Variants in TMEM117 observed in about 807,000 individuals in gnomAD.
The protein encoded by TMEM117 is transmembrane protein 117.
A neutral mutation model predicts 52.4 loss-of-function variants in TMEM117; 27 were observed. The observed-to-expected ratio is 0.51, with a 90% CI of 0.38 to 0.71. The LOEUF (loss-of-function observed/expected upper bound fraction) is 0.71, where lower values mean the gene tolerates loss of function less well. TMEM117 is among the 30% of genes least tolerant of loss of function. The pLI is 0.00. For synonymous variants in TMEM117, 215 were observed against 206.3 expected, an observed-to-expected ratio of 1.04 and a Z score of -0.36; for missense variants, 556 against 630.5, an observed-to-expected ratio of 0.88 and a Z score of 1.26.
At chr12:44,386,862 C>G (rs1445952152) in intron 7 of TMEM117, among the ~76,000 whole-genome samples, 1 of 151,944 alleles carries the variant, frequency 6.6e-6, no homozygotes, top group African/African-American at 2.4e-5. Context: ...TTCCTAAACT[C>G]CTCGCAGTTA....
At chr12:43,836,424 G>C (rs1163024882) in intron 1 of TMEM117, among the ~76,000 whole-genome samples, 1 of 152,162 alleles carries the variant, frequency 6.6e-6, no homozygotes, top group Non-Finnish European at 1.5e-5. Context: ...CAAGGAGGGA[G>C]GGGGGACGCG....
Position 44,376,527 on chromosome 12 carries a change from A to G in TMEM117, c.769-68A>G, listed in dbSNP as rs148909615. On this transcript the variant is annotated intron_variant, in intron 6 of 7. Coordinates refer to ENST00000266534, the MANE Select transcript of TMEM117 (RefSeq NM_032256.3). ...TAAAATAAGTGCTTATAAAAAGTCAATTTTTGGTGTTTTGCTGCTTAGGAA... is the reference window on the plus strand; with the variant it reads ...TAAAATAAGTGCTTATAAAAAGTCAGTTTTTGGTGTTTTGCTGCTTAGGAA... 2.4e-4 allele frequency: 371 copies of G among 1,572,084 alleles called. 1 individual carries two copies. In the East Asian group the frequency reaches 2.9e-3, roughly 12 times the overall value.
the TMEM117 span, among the ~76,000 whole-genome samples, chr12:43,803,870 A>T: frequency 6.6e-6 from 1 of 152,256 alleles, no homozygotes; most frequent in African/African-American, 2.4e-5. Flanking sequence ...AGGCCACTGG[A>T]ATATTTTAAT....
At chr12:44,145,220 C>T (rs1448136666) in intron 4 of TMEM117, among the ~76,000 whole-genome samples, 3 of 152,122 alleles carry the variant, frequency 2.0e-5, no homozygotes, top group Admixed American at 1.3e-4. Flanking sequence ...GGAGGAGATA[C>T]ATAAACTTTG....
intron 3 of TMEM117, chr12:44,083,590 T>TA (rs1452204467): frequency 6.6e-6 from 1 of 151,436 alleles, no homozygotes; most frequent in Non-Finnish European, 1.5e-5. Flanking sequence ...TTTTTGTAGA[T>TA]ACGAGTTTTC....
intron 3 of TMEM117, among the ~76,000 whole-genome samples, chr12:44,103,566 CT>C (rs966821471): frequency 6.6e-6 from 1 of 152,060 alleles, no homozygotes; most frequent in East Asian, 1.9e-4. Context: ...TCCTCTATTA[CT>C]TTTTTTCAGT....
chr12:44,203,820 G>A (rs927230250), intron 4 of TMEM117, among the ~76,000 whole-genome samples: 1 of 152,116 alleles, frequency 6.6e-6, no homozygotes, highest in African/African-American at 2.4e-5. Flanking sequence ...AGTGTAGTTG[G>A]TATGATTTTT....
At chr12:43,854,648 A>T (rs1388457678) in intron 2 of TMEM117, among the ~76,000 whole-genome samples, 1 of 151,102 alleles carries the variant, frequency 6.6e-6, no homozygotes, top group African/African-American at 2.4e-5. Flanking sequence ...TTATTTATTT[A>T]TTATTTTTTT....
the TMEM117 span, among the ~76,000 whole-genome samples, chr12:43,809,969 A>G: frequency 6.6e-6 from 1 of 152,242 alleles, no homozygotes; most frequent in Non-Finnish European, 1.5e-5. Flanking sequence ...AGTCTGGGTT[A>G]AGGAATAGTT....
At chr12:43,865,111 C>T (rs1035127914) in intron 2 of TMEM117, among the ~76,000 whole-genome samples, 3 of 152,142 alleles carry the variant, frequency 2.0e-5, no homozygotes, top group African/African-American at 4.8e-5. Context: ...GACCCGCTGC[C>T]TTTAAGAACT....
chr12:44,037,889 C>T lies in TMEM117; in HGVS notation c.410+93547C>T, dbSNP rs148633185. Reference sequence around the variant, plus strand: ...GAGGAGCACTCCAGGGTCTCCTCTGCTGAGAGTTGGGCAGATATTGGGAGT... The same window carrying T: ...GAGGAGCACTCCAGGGTCTCCTCTGTTGAGAGTTGGGCAGATATTGGGAGT... On this transcript the variant is annotated intron_variant, in intron 3 of 7. Coordinates refer to ENST00000266534, the MANE Select transcript of TMEM117 (RefSeq NM_032256.3). Among the ~76,000 whole-genome samples the T allele has an allele frequency of 2.7e-4, 41 of 152,088 alleles. 1 individual carries two copies. The highest frequency in any genetic ancestry group is 9.4e-4 in the African/African-American group (39 of 41,520).
At chr12:44,331,184 TA>T (rs202022939) in intron 6 of TMEM117, among the ~76,000 whole-genome samples, 3,086 of 145,474 alleles carry the variant, frequency 0.021, 91 homozygotes, top group African/African-American at 0.064. Flanking sequence ...GACCTTTTTT[TA>T]AAAAAAAAAA....
chr12:43,924,651 C>T (rs978943386), intron 2 of TMEM117, among the ~76,000 whole-genome samples: 4 of 152,172 alleles, frequency 2.6e-5, no homozygotes, highest in Non-Finnish European at 4.4e-5. Flanking sequence ...TGTGATCTCA[C>T]ATCTCTCCTC....
intron 3 of TMEM117, among the ~76,000 whole-genome samples, chr12:44,129,329 G>A (rs1306602219): frequency 2.6e-5 from 4 of 152,132 alleles, no homozygotes; most frequent in African/African-American, 9.7e-5. Context: ...TTCTTCTGTA[G>A]CGCTGGGCCT....
chr12:43,917,195 C>T (rs571179814), intron 2 of TMEM117, among the ~76,000 whole-genome samples: 2 of 140,890 alleles, frequency 1.4e-5, no homozygotes, highest in East Asian at 2.1e-4. Flanking sequence ...GAGTTTAAGA[C>T]CAGCCTGGGC....
chr12:43,842,658 A>G (rs1362394201), intron 1 of TMEM117, among the ~76,000 whole-genome samples: 1 of 152,058 alleles, frequency 6.6e-6, no homozygotes, highest in Non-Finnish European at 1.5e-5. Context: ...GTATAAAGTG[A>G]GAATATTTAT....
At chr12:43,831,791 C>A (rs1160196145), upstream of TMEM117, among the ~76,000 whole-genome samples, 1 of 152,096 alleles carries the variant, frequency 6.6e-6, no homozygotes, top group Non-Finnish European at 1.5e-5. Context: ...ATCTGCCCAC[C>A]TCAGCTTTTT....
intron 6 of TMEM117, among the ~76,000 whole-genome samples, chr12:44,311,785 ATG>A (rs1168469716): frequency 5.5e-5 from 1 of 18,246 alleles, no homozygotes; most frequent in African/African-American, 1.0e-4. Flanking sequence ...ATGTGTATAT[ATG>A]TATATATATG....
At chr12:44,361,508 A>C (rs965686285) in intron 6 of TMEM117, among the ~76,000 whole-genome samples, 1 of 152,124 alleles carries the variant, frequency 6.6e-6, no homozygotes, top group African/African-American at 2.4e-5. Context: ...ATTTTGATTG[A>C]TGTCTTTGGT....
Sources: allele counts gnomAD v4.1 joint callset (sites outside exome capture counted in the v4.1 genomes callset), GRCh38; gene constraint gnomAD v4.1.1; transcripts MANE v1.5; gene names NCBI Gene and HGNC (gene_info 2026-07-23, HGNC 2026-07-21).